The following CELF2 variants were observed in gnomAD, a reference collection of about 807,000 sequenced individuals.
The protein encoded by CELF2 is CUGBP Elav-like family member 2.
In CELF2, 8 loss-of-function variants were observed where a neutral mutation model predicts 62.6. The ratio of observed to expected loss-of-function variants is 0.13; its 90% CI spans 0.07 to 0.23. The LOEUF (loss-of-function observed/expected upper bound fraction) is 0.23. CELF2 is among the 10% of genes least tolerant of loss of function. CELF2 has a pLI of 1.00. For missense variants in CELF2, 333 were observed against 671.0 expected (o/e 0.50, Z 5.56); for synonymous variants, 258 against 250.0 (o/e 1.03, Z -0.30).
intron 2 of CELF2, among the ~76,000 whole-genome samples, chr10:11,205,428 T>G (rs1371759781): frequency 1.3e-5 from 2 of 152,358 alleles, no homozygotes; most frequent in Non-Finnish European, 2.9e-5. Context: ...AAGTGGACAA[T>G]AGCTGCTAAC....
chr10:11,018,398 C>T (rs1033982369), intron 1 of CELF2, among the ~76,000 whole-genome samples: 1 of 151,624 alleles, frequency 6.6e-6, no homozygotes, highest in African/African-American at 2.4e-5. Flanking sequence ...CGGAGCGCGG[C>T]GTCCCGGGGA....
intron 1 of CELF2, among the ~76,000 whole-genome samples, chr10:10,912,163 T>C (rs1257237916): frequency 6.6e-6 from 1 of 151,610 alleles, no homozygotes; most frequent in Admixed American, 6.6e-5. Context: ...ATGGAAGCGG[T>C]TGCATTTAAT....
intron 1 of CELF2, among the ~76,000 whole-genome samples, chr10:10,831,148 A>C (rs940120221): frequency 6.6e-6 from 1 of 152,232 alleles, no homozygotes; most frequent in African/African-American, 2.4e-5. Context: ...GTCCTCTTAC[A>C]TTCTGAAGTG....
chr10:10,651,257 A>C, the CELF2 span, among the ~76,000 whole-genome samples: 37,481 of 112,892 alleles, frequency 0.33, 7,506 homozygotes, highest in South Asian at 0.59. Flanking sequence ...GCACAGCAGT[A>C]TGAGATCAAA....
intron 1 of CELF2, among the ~76,000 whole-genome samples, chr10:11,084,590 A>G (rs533508030): frequency 4.6e-4 from 70 of 152,270 alleles, no homozygotes; most frequent in Non-Finnish European, 5.9e-4. Context: ...AATGATAATC[A>G]TGCACTTAAA....
intron 1 of CELF2, among the ~76,000 whole-genome samples, chr10:10,802,855 A>C (rs566991298): frequency 6.6e-6 from 1 of 152,294 alleles, no homozygotes; most frequent in South Asian, 2.1e-4. Flanking sequence ...AGCTCAGTCC[A>C]ATTGCATGCC....
the CELF2 span, among the ~76,000 whole-genome samples, chr10:10,672,196 T>G: frequency 6.6e-6 from 1 of 152,212 alleles, no homozygotes; most frequent in Non-Finnish European, 1.5e-5. Flanking sequence ...GTGACTTGCC[T>G]TTTTATTCTC....
the CELF2 span, among the ~76,000 whole-genome samples, chr10:10,680,342 AT>A: frequency 3.3e-5 from 5 of 152,352 alleles, no homozygotes; most frequent in Admixed American, 3.3e-4. Flanking sequence ...TAAAGTGCTC[AT>A]ACTCAACAGT....
rs1173194400 is a variant in CELF2 at position 11,098,804 on chromosome 10, C to T, written c.75-66682C>T. Among the ~76,000 whole-genome samples, 1 of 152,226 alleles carries T rather than the reference C, an allele frequency of 6.6e-6. No individual in the cohort carries two copies. The highest frequency in any genetic ancestry group is 2.1e-4 in the South Asian group (1 of 4,822). On this transcript the variant is annotated intron_variant, in intron 1 of 12. Coordinates refer to ENST00000633077, the MANE Select transcript of CELF2 (RefSeq NM_001326342.2). The surrounding 1 kb of genome is among the most constrained non-coding windows in gnomAD (Gnocchi z 4.0). ...TGAACTGCTGGACAGCTGATTTGACCGAGGCTTCTTGGCTCTGCACCGGGT... is the reference window on the plus strand; with the variant it reads ...TGAACTGCTGGACAGCTGATTTGACTGAGGCTTCTTGGCTCTGCACCGGGT...
the CELF2 span, among the ~76,000 whole-genome samples, chr10:10,577,615 T>C: frequency 2.0e-5 from 3 of 151,932 alleles, no homozygotes; most frequent in South Asian, 6.3e-4. Flanking sequence ...CGGTGTTTGT[T>C]TTTTTGTCCT....
chr10:10,764,238 G>C, the CELF2 span, among the ~76,000 whole-genome samples: 2 of 152,190 alleles, frequency 1.3e-5, no homozygotes, highest in Non-Finnish European at 2.9e-5. Context: ...ATATTTGAAA[G>C]GGAAATCATA....
At chr10:10,724,237 T>C in the CELF2 span, among the ~76,000 whole-genome samples, 1 of 152,240 alleles carries the variant, frequency 6.6e-6, no homozygotes, top group Non-Finnish European at 1.5e-5. Context: ...TCTTCTAGGA[T>C]GGACAAATTT....
At chr10:10,937,188 G>A (rs2046510194) in intron 2 of CELF2, among the ~76,000 whole-genome samples, 1 of 131,164 alleles carries the variant, frequency 7.6e-6, no homozygotes, top group Non-Finnish European at 1.5e-5. Flanking sequence ...GCGCAGTGGT[G>A]CAATCTTGTC....
the CELF2 span, among the ~76,000 whole-genome samples, chr10:10,615,365 C>T: frequency 1.3e-5 from 2 of 152,076 alleles, no homozygotes; most frequent in African/African-American, 2.4e-5. Context: ...GATGCATCCC[C>T]GCTGAGGTCC....
At chr10:10,989,625 G>A (rs1368492502) in intron 2 of CELF2, among the ~76,000 whole-genome samples, 4 of 151,992 alleles carry the variant, frequency 2.6e-5, no homozygotes, top group Non-Finnish European at 4.4e-5. Context: ...CAGGGTAGGT[G>A]AGACTTTTTA....
chr10:10,680,784 G>A, the CELF2 span, among the ~76,000 whole-genome samples: 2 of 152,268 alleles, frequency 1.3e-5, no homozygotes, highest in African/African-American at 4.8e-5. Context: ...TTCCCAGGGC[G>A]AAGGGAAAAG....
chr10:11,102,222 A>C lies in CELF2; in HGVS notation c.75-63264A>C, dbSNP rs2051883720. On this transcript the variant is annotated intron_variant, in intron 1 of 12. Transcript: ENST00000633077. ...ATTCACAGAAGTAGCAATAGCTTTT[A>C]CTTAAGCCTTCCTTCCAGTCCATGG... 2.0e-5 allele frequency: 3 copies of C among 152,230 alleles called. No homozygotes were observed. In the South Asian group the frequency reaches 6.2e-4, roughly 32 times the overall value. 9.4% of individuals were successfully genotyped at this position (152,230 alleles called of 1,614,324 possible).
At chr10:10,571,329 G>A in the CELF2 span, among the ~76,000 whole-genome samples, 1 of 152,194 alleles carries the variant, frequency 6.6e-6, no homozygotes, top group Admixed American at 6.5e-5. Context: ...TGGCTGGTTG[G>A]CTGGCCTGGG....
At chr10:10,541,011 GT>G in the CELF2 span, among the ~76,000 whole-genome samples, 3 of 151,546 alleles carry the variant, frequency 2.0e-5, no homozygotes, top group Non-Finnish European at 4.4e-5. Flanking sequence ...GGGCGACAAG[GT>G]GGGTGGATCA....
Sources: allele counts gnomAD v4.1 joint callset (sites outside exome capture counted in the v4.1 genomes callset), GRCh38; gene constraint gnomAD v4.1.1; non-coding constraint Gnocchi (gnomAD v3.1); transcripts MANE v1.5; gene names NCBI Gene and HGNC (gene_info 2026-07-23, HGNC 2026-07-21).